GAD2: variants seen among roughly 807,000 people sequenced by gnomAD.
The protein encoded by GAD2 is glutamate decarboxylase 2.
GAD2 carries 22 observed loss-of-function variants against 80.1 expected under a neutral mutation model. The ratio of observed to expected loss-of-function variants is 0.27; its 90% CI spans 0.20 to 0.39. GAD2 has a LOEUF of 0.39. Among genes scored for constraint, GAD2 ranks in the 10% least tolerant of loss-of-function variants. The pLI, the probability that GAD2 is intolerant of heterozygous loss-of-function variation, is 1.00. For missense variants in GAD2, 624 were observed against 738.4 expected (o/e 0.85, Z 1.80); for synonymous variants, 274 against 256.9 (o/e 1.07, Z -0.64).
At chr10:26,224,905 A>T (rs1393325565) in intron 6 of GAD2, 1 of 435,198 alleles carries the variant, frequency 2.3e-6, no homozygotes, top group Non-Finnish European at 4.1e-6. Flanking sequence ...CAGTGCTTCT[A>T]CTGTGACCCT....
rs919785823 is a variant in GAD2 at position 26,290,258 on chromosome 10, A to T, written c.1387-2207A>T. Among the ~76,000 whole-genome samples the T allele has an allele frequency of 5.9e-5, 9 of 152,370 alleles. No homozygotes were observed. The East Asian group carries it at 1.7e-3, about 29-fold the overall frequency. On this transcript the variant is annotated intron_variant, in intron 13 of 15. Transcript: ENST00000376261. ...GCTCTCATTTTCCAGACAAGATAAGATAAATGCACAGAAATCCATCATAAA... is the reference window on the plus strand; with the variant it reads ...GCTCTCATTTTCCAGACAAGATAAGTTAAATGCACAGAAATCCATCATAAA...
At chr10:26,298,034 T>C (rs753724321) in intron 15 of GAD2, among the ~76,000 whole-genome samples, 7 of 152,224 alleles carry the variant, frequency 4.6e-5, no homozygotes, top group Non-Finnish European at 1.0e-4. Flanking sequence ...ACCGCATCTA[T>C]AAGCTGCTAA....
At chr10:26,252,619 G>A (rs1047770869) in intron 8 of GAD2, among the ~76,000 whole-genome samples, 4 of 151,884 alleles carry the variant, frequency 2.6e-5, no homozygotes, top group Non-Finnish European at 2.9e-5. Context: ...CCAAAGTTCT[G>A]GGATTACAGG....
chr10:26,231,306 G>T (rs1844599071), intron 7 of GAD2, among the ~76,000 whole-genome samples: 1 of 152,116 alleles, frequency 6.6e-6, no homozygotes, highest in African/African-American at 2.4e-5. Context: ...CTCAGATCCA[G>T]ATCCACCATG....
chr10:26,229,125 T>G (rs1053916632), intron 6 of GAD2, among the ~76,000 whole-genome samples: 1 of 150,612 alleles, frequency 6.6e-6, no homozygotes, highest in Admixed American at 6.6e-5. Context: ...ACCCAGGAGA[T>G]AGAGGTGGCA....
rs869296197 is a variant in GAD2, at chr10:26,293,193, T to TTTTC, written c.1584+204_1584+205insTCTT. On this transcript the variant is annotated intron_variant, in intron 15 of 15. Transcript: ENST00000376261. ...TCTTCTTTTTTTTTTTTTTTTTTTT[T>TTTTC]TTGAGATGGAGTCTCACTGTGTCTT... Among the ~76,000 whole-genome samples the TTTTC allele has an allele frequency of 9.5e-4, 130 of 137,372 alleles. 1 individual carries two copies. The highest frequency in any genetic ancestry group is 1.8e-3 in the African/African-American group (62 of 35,226). The allele number at this position is 137,372 out of a possible 152,430, so 90.1% of individuals were successfully genotyped here. A position where few individuals can be genotyped will look rare whatever the true frequency, so the allele number is the denominator to read the frequency against.
At chr10:26,249,572 G>A (rs1007406716) in intron 8 of GAD2, among the ~76,000 whole-genome samples, 5 of 152,324 alleles carry the variant, frequency 3.3e-5, no homozygotes, top group Non-Finnish European at 5.9e-5. Flanking sequence ...GGTAGCTGGC[G>A]TTCTCCAGTG....
chr10:26,218,074 A>C (rs957223528), intron 3 of GAD2, 83 bp downstream of exon 3: 5 of 1,417,806 alleles, frequency 3.5e-6, no homozygotes, highest in South Asian at 2.8e-5. Flanking sequence ...TCCGGCGCTG[A>C]GAGCCGGACA....
rs964605904 is a variant in GAD2 at position 26,223,835 on chromosome 10, G to A, written c.521-52G>A. 11 of 1,148,490 alleles carry A rather than the reference G, an allele frequency of 9.6e-6. No individual in the cohort carries two copies. The African/African-American group carries it at 1.1e-4, about 11-fold the overall frequency. The allele number at this position is 1,148,490 out of a possible 1,614,324, so 71.1% of individuals were successfully genotyped here. A position where few individuals can be genotyped will look rare whatever the true frequency, so the allele number is the denominator to read the frequency against. ...GCTAGAGAAATCATGTGTTTGAGAGGCATTTATTTTCACTGGAGGCAATCC... is the reference window on the plus strand; with the variant it reads ...GCTAGAGAAATCATGTGTTTGAGAGACATTTATTTTCACTGGAGGCAATCC... On this transcript the variant is annotated intron_variant, in intron 4 of 15. Coordinates refer to ENST00000376261, the MANE Select transcript of GAD2 (RefSeq NM_001134366.2).
intron 3 of GAD2, 36 bp from the exon 4 acceptor site, chr10:26,219,007 A>T: frequency 6.9e-7 from 1 of 1,448,876 alleles, no homozygotes. Flanking sequence ...TTTTCAAAGT[A>T]AAATTAAAAT....
chr10:26,251,515 C>T (rs1033528887), intron 8 of GAD2, among the ~76,000 whole-genome samples: 1 of 152,220 alleles, frequency 6.6e-6, no homozygotes, highest in East Asian at 1.9e-4. Context: ...TGAAAACAAT[C>T]CGACAATGGG....
chr10:26,247,110 TAGAC>T (rs1261879390), intron 8 of GAD2, among the ~76,000 whole-genome samples: 3 of 152,234 alleles, frequency 2.0e-5, no homozygotes, highest in Non-Finnish European at 1.5e-5. Context: ...GGCTACTTCA[TAGAC>T]AGAGCAGCCT....
chr10:26,247,537 C>T (rs1844823806), intron 8 of GAD2, among the ~76,000 whole-genome samples: 1 of 152,118 alleles, frequency 6.6e-6, no homozygotes, highest in Non-Finnish European at 1.5e-5. Context: ...GAAGCCAAGC[C>T]TTAGCAGAGG....
intron 12 of GAD2, among the ~76,000 whole-genome samples, chr10:26,282,543 T>TC (rs2132313102): frequency 6.6e-6 from 1 of 152,278 alleles, no homozygotes; most frequent in African/African-American, 2.4e-5. Context: ...CATTATATTG[T>TC]GAGCATTATC....
intron 15 of GAD2, among the ~76,000 whole-genome samples, chr10:26,295,789 G>T (rs746046502): frequency 6.6e-6 from 1 of 152,058 alleles, no homozygotes; most frequent in East Asian, 1.9e-4. Flanking sequence ...GGTCCAGGCC[G>T]ATATAGACTC....
intron 4 of GAD2, among the ~76,000 whole-genome samples, chr10:26,223,190 A>G (rs558636136): frequency 2.0e-5 from 3 of 152,324 alleles, no homozygotes; most frequent in Non-Finnish European, 4.4e-5. Flanking sequence ...TGTTGACTGT[A>G]TGTGGCCTTA....
At chr10:26,236,783 T>C (rs1002680901) in intron 7 of GAD2, among the ~76,000 whole-genome samples, 23 of 152,190 alleles carry the variant, frequency 1.5e-4, no homozygotes, top group African/African-American at 4.3e-4. Flanking sequence ...TGAGTGAAAT[T>C]GTGGGCTAAA....
At chr10:26,227,189 C>T (rs1333099096) in intron 6 of GAD2, among the ~76,000 whole-genome samples, 1 of 152,172 alleles carries the variant, frequency 6.6e-6, no homozygotes, top group South Asian at 2.1e-4. Context: ...GATGGGGTTT[C>T]ACCATGTTGG....
intron 13 of GAD2, among the ~76,000 whole-genome samples, chr10:26,287,030 G>A (rs1845342048): frequency 6.6e-6 from 1 of 152,136 alleles, no homozygotes; most frequent in Non-Finnish European, 1.5e-5. Flanking sequence ...TCTGAATTTA[G>A]CTGTAGGTGA....
Sources: gnomAD v4.1 joint callset for allele counts (sites outside exome capture counted in the v4.1 genomes callset) on GRCh38, gnomAD v4.1.1 for gene constraint, MANE v1.5 for transcripts, NCBI Gene and HGNC (gene_info 2026-07-23, HGNC 2026-07-21) for gene names.